PAPPA2: variants seen among roughly 807,000 people sequenced by gnomAD.
The protein encoded by PAPPA2 is pappalysin 2.
Under a neutral mutation model 176.4 loss-of-function variants are expected in PAPPA2, and 86 were observed. The ratio of observed to expected loss-of-function variants is 0.49; its 90% CI spans 0.41 to 0.58. PAPPA2 has a LOEUF of 0.58. Ranked by LOEUF, PAPPA2 falls within the 20% of genes least tolerant of loss-of-function variation. PAPPA2 has a pLI of 0.00. For missense variants in PAPPA2, 2,073 were observed against 2,256.9 expected (o/e 0.92, Z 1.65); for synonymous variants, 809 against 852.2 (o/e 0.95, Z 0.88).
At chr1:176,797,653 TATAA>T (rs1158764581) in intron 20 of PAPPA2, among the ~76,000 whole-genome samples, 3 of 151,508 alleles carry the variant, frequency 2.0e-5, no homozygotes, top group African/African-American at 7.3e-5. Flanking sequence ...AAAATATATA[TATAA>T]ATAAATAAAT....
intron 1 of PAPPA2, among the ~76,000 whole-genome samples, chr1:176,543,814 C>G (rs1192374065): frequency 1.3e-5 from 2 of 152,212 alleles, no homozygotes; most frequent in Non-Finnish European, 2.9e-5. Context: ...GTAACTATTT[C>G]TTTCCAATGA....
chr1:176,551,388 A>G (rs1265915780), intron 1 of PAPPA2, among the ~76,000 whole-genome samples: 1 of 152,218 alleles, frequency 6.6e-6, no homozygotes, highest in Admixed American at 6.5e-5. Flanking sequence ...GGCTTTTATT[A>G]CTACGCTCCC....
intron 3 of PAPPA2, among the ~76,000 whole-genome samples, chr1:176,602,919 TC>T (rs1422572188): frequency 3.3e-5 from 5 of 152,200 alleles, no homozygotes; most frequent in African/African-American, 1.2e-4. Context: ...TCTCCACAGT[TC>T]CAATAGGCAC....
intron 12 of PAPPA2, among the ~76,000 whole-genome samples, chr1:176,725,705 C>T (rs754237504): frequency 4.6e-5 from 7 of 152,202 alleles, no homozygotes; most frequent in Non-Finnish European, 7.3e-5. Context: ...CACACGCACG[C>T]GCGCGCACAC....
intron 3 of PAPPA2, among the ~76,000 whole-genome samples, chr1:176,630,881 C>A (rs1656300103): frequency 6.6e-6 from 1 of 151,960 alleles, no homozygotes; most frequent in Non-Finnish European, 1.5e-5. Flanking sequence ...AGTAAGTGGG[C>A]AAAACTGTCC....
chr1:176,572,075 G>T (rs1163139689), intron 2 of PAPPA2, among the ~76,000 whole-genome samples: 1 of 152,184 alleles, frequency 6.6e-6, no homozygotes, highest in African/African-American at 2.4e-5. Flanking sequence ...CCCAGAGAGG[G>T]AAAGTTACTT....
intron 1 of PAPPA2, among the ~76,000 whole-genome samples, chr1:176,491,527 T>A (rs530837170): frequency 6.6e-6 from 1 of 152,136 alleles, no homozygotes; most frequent in South Asian, 2.1e-4. Flanking sequence ...ATGAGCAGAT[T>A]GGGGGAAAGA....
At chr1:176,799,406 G>A (rs1171512946) in intron 20 of PAPPA2, among the ~76,000 whole-genome samples, 3 of 152,124 alleles carry the variant, frequency 2.0e-5, no homozygotes, top group Non-Finnish European at 2.9e-5. Flanking sequence ...ACGTAACTGC[G>A]CTCCCACCAG....
chr1:176,774,393 T>C (rs1017697684), intron 17 of PAPPA2, among the ~76,000 whole-genome samples: 2 of 152,186 alleles, frequency 1.3e-5, no homozygotes, highest in African/African-American at 4.8e-5. Context: ...CTCTTAACTA[T>C]GCAAAACAGA....
At chr1:176,539,472 C>T (rs6699959) in intron 1 of PAPPA2, among the ~76,000 whole-genome samples, 21,306 of 152,122 alleles carry the variant, frequency 0.14, 1,681 homozygotes, top group African/African-American at 0.19. Context: ...TTTGTTGTCC[C>T]GGCTCTGTTC....
chr1:176,692,566 A>G (rs968723091), intron 6 of PAPPA2, among the ~76,000 whole-genome samples: 1 of 152,162 alleles, frequency 6.6e-6, no homozygotes, highest in African/African-American at 2.4e-5. Context: ...AGCCTGACCG[A>G]TGTGACAGGG....
chr1:176,537,137 ACTTT>A (rs1650107999), intron 1 of PAPPA2, among the ~76,000 whole-genome samples: 1 of 152,196 alleles, frequency 6.6e-6, no homozygotes, highest in Non-Finnish European at 1.5e-5. Flanking sequence ...TCTAAAGGAA[ACTTT>A]CTTTATAGAT....
intron 4 of PAPPA2, among the ~76,000 whole-genome samples, chr1:176,677,237 A>T (rs1659348379): frequency 6.6e-6 from 1 of 152,110 alleles, no homozygotes. Flanking sequence ...CCTTTTTGAG[A>T]CTCAAGATGA....
Position 176,747,274 on chromosome 1 carries a change from G to A in PAPPA2, c.4151+7078G>A, listed in dbSNP as rs186122654. 4.1e-3 allele frequency among the ~76,000 whole-genome samples: 618 copies of A among 152,294 alleles called. 1 individual carries two copies. Among genetic ancestry groups the A allele is most frequent in the Middle Eastern group, 0.01 (3 of 294 alleles). ...ATGTGAACGGGCATATTTGTTTTGAGGAAATGATGACTTGTAAATTCAGGC... is the reference window on the plus strand; with the variant it reads ...ATGTGAACGGGCATATTTGTTTTGAAGAAATGATGACTTGTAAATTCAGGC... On this transcript the variant is annotated intron_variant, in intron 14 of 22. Coordinates refer to ENST00000367662, the MANE Select transcript of PAPPA2 (RefSeq NM_020318.3).
At chr1:176,789,049 G>A (rs187613650) in intron 17 of PAPPA2, among the ~76,000 whole-genome samples, 47 of 152,116 alleles carry the variant, frequency 3.1e-4, no homozygotes, top group African/African-American at 1.0e-3. Flanking sequence ...CTGACATTTC[G>A]TTGTACTTAG....
intron 12 of PAPPA2, among the ~76,000 whole-genome samples, chr1:176,713,390 C>T (rs1661229423): frequency 6.6e-6 from 1 of 152,272 alleles, no homozygotes; most frequent in South Asian, 2.1e-4. Flanking sequence ...TAACATCAAA[C>T]TCAAGTTAAC....
intron 21 of PAPPA2, among the ~76,000 whole-genome samples, chr1:176,806,727 G>A (rs1039332747): frequency 2.6e-5 from 4 of 152,144 alleles, no homozygotes; most frequent in African/African-American, 9.7e-5. Context: ...GTGGAGATGT[G>A]GTTTGGGGCC....
At chr1:176,702,396 A>G (rs551661314) in intron 8 of PAPPA2, among the ~76,000 whole-genome samples, 1 of 152,378 alleles carries the variant, frequency 6.6e-6, no homozygotes, top group Non-Finnish European at 1.5e-5. Flanking sequence ...ACTCTGTGCA[A>G]CGCACAGGGG....
chr1:176,771,601 AT>A (rs1664228179), intron 17 of PAPPA2, among the ~76,000 whole-genome samples: 1 of 152,240 alleles, frequency 6.6e-6, no homozygotes, highest in South Asian at 2.1e-4. Flanking sequence ...ATGATTAAAA[AT>A]ATCCGCCAGT....
Sources: allele counts gnomAD v4.1 joint callset (sites outside exome capture counted in the v4.1 genomes callset), GRCh38; gene constraint gnomAD v4.1.1; transcripts MANE v1.5; gene names NCBI Gene and HGNC (gene_info 2026-07-23, HGNC 2026-07-21).